DLC1: variants seen among roughly 807,000 people sequenced by gnomAD.
DLC1 encodes the protein rho GTPase-activating protein 7.
In DLC1, 54 loss-of-function variants were observed where a neutral mutation model predicts 140.3. The ratio of observed to expected loss-of-function variants is 0.38; its 90% CI spans 0.31 to 0.48. The LOEUF (loss-of-function observed/expected upper bound fraction) is 0.48. Among genes scored for constraint, DLC1 ranks in the 20% least tolerant of loss-of-function variants. DLC1 has a pLI of 0.96. For synonymous variants in DLC1, 986 were observed against 728.1 expected, an observed-to-expected ratio of 1.35 and a Z score of -5.70; for missense variants, 2,536 against 1,907.0, an observed-to-expected ratio of 1.33 and a Z score of -6.14.
chr8:13,302,414 C>T (rs1832238796), intron 5 of DLC1, among the ~76,000 whole-genome samples: 1 of 152,168 alleles, frequency 6.6e-6, no homozygotes, highest in Non-Finnish European at 1.5e-5. Flanking sequence ...TCAAACTTGC[C>T]TCCCTTTGAA....
chr8:13,336,653 C>G (rs951252392), intron 4 of DLC1, among the ~76,000 whole-genome samples: 1 of 152,276 alleles, frequency 6.6e-6, no homozygotes, highest in Admixed American at 6.5e-5. Flanking sequence ...CTGTCATGTA[C>G]TAGCTACATG....
intron 1 of DLC1, among the ~76,000 whole-genome samples, chr8:13,602,734 C>T (rs749850891): frequency 9.9e-5 from 15 of 151,750 alleles, no homozygotes; most frequent in Non-Finnish European, 1.9e-4. Context: ...TAAAACAAAA[C>T]AAAATAAAAC....
At chr8:13,360,515 C>A (rs986245329) in intron 4 of DLC1, among the ~76,000 whole-genome samples, 3 of 152,002 alleles carry the variant, frequency 2.0e-5, no homozygotes, top group African/African-American at 7.3e-5. Flanking sequence ...AATACTGATG[C>A]CTGGGTTTCT....
chr8:13,189,289 T>C (rs1404642523), intron 5 of DLC1, among the ~76,000 whole-genome samples: 2 of 152,166 alleles, frequency 1.3e-5, no homozygotes, highest in Admixed American at 1.3e-4. Flanking sequence ...TTCTCCTCTT[T>C]GCACCAATAC....
chr8:13,304,344 A>T (rs756862743), intron 5 of DLC1, among the ~76,000 whole-genome samples: 1 of 152,226 alleles, frequency 6.6e-6, no homozygotes, highest in African/African-American at 2.4e-5. Flanking sequence ...TTTCAACATT[A>T]TTAAAGTGAA....
intron 5 of DLC1, among the ~76,000 whole-genome samples, chr8:13,156,946 A>G (rs888465872): frequency 3.9e-5 from 6 of 152,202 alleles, no homozygotes; most frequent in African/African-American, 1.4e-4. Context: ...CCGAGTATGA[A>G]GGTTAGAGTA....
intron 5 of DLC1, among the ~76,000 whole-genome samples, chr8:13,177,628 G>T (rs549311966): frequency 1.3e-5 from 2 of 152,160 alleles, no homozygotes; most frequent in Non-Finnish European, 2.9e-5. Context: ...ATAACATACA[G>T]CAATACTGAG....
chr8:13,578,833 C>T (rs967624768), intron 1 of DLC1, among the ~76,000 whole-genome samples: 1 of 152,056 alleles, frequency 6.6e-6, no homozygotes, highest in South Asian at 2.1e-4. Context: ...AAACCCTGTC[C>T]TTTAGGTTTT....
intron 1 of DLC1, among the ~76,000 whole-genome samples, chr8:13,525,337 T>C (rs117460024): frequency 0.023 from 3,551 of 152,348 alleles, 63 homozygotes; most frequent in Non-Finnish European, 0.034. Flanking sequence ...ATACATTCTT[T>C]AATTTCCTTG....
chr8:13,251,156 C>A (rs181421441), intron 5 of DLC1, among the ~76,000 whole-genome samples: 2 of 152,198 alleles, frequency 1.3e-5, no homozygotes, highest in African/African-American at 4.8e-5. Flanking sequence ...TCTTTCTCTT[C>A]TTGTGAGGAC....
At chr8:13,122,057 C>G (rs773201184) in intron 5 of DLC1, among the ~76,000 whole-genome samples, 2 of 152,154 alleles carry the variant, frequency 1.3e-5, no homozygotes, top group South Asian at 2.1e-4. Context: ...AGCCTCCTCA[C>G]GGAACTCTGA....
At chr8:13,312,386 A>AAAATAATAATAAT (rs71207139) in intron 4 of DLC1, among the ~76,000 whole-genome samples, 16 of 81,676 alleles carry the variant, frequency 2.0e-4, no homozygotes, top group African/African-American at 6.3e-4. Context: ...AAAAAAAAAA[A>AAAATAATAATAAT]AATAATTTCT....
At chr8:13,406,438 A>G (rs1168748991) in intron 2 of DLC1, among the ~76,000 whole-genome samples, 7 of 152,130 alleles carry the variant, frequency 4.6e-5, no homozygotes, top group African/African-American at 1.7e-4. Context: ...ATAAATTTTA[A>G]AAAAGTTTAT....
intron 5 of DLC1, among the ~76,000 whole-genome samples, chr8:13,281,535 C>T (rs567824406): frequency 5.3e-4 from 81 of 152,146 alleles, no homozygotes; most frequent in African/African-American, 1.9e-3. Context: ...ACATAAGTAC[C>T]ATGATTTATA....
At chr8:13,180,051 G>C (rs563987398) in intron 5 of DLC1, among the ~76,000 whole-genome samples, 1 of 152,276 alleles carries the variant, frequency 6.6e-6, no homozygotes, top group African/African-American at 2.4e-5. Flanking sequence ...CCTTGATCTT[G>C]TGGTGGAATC....
chr8:13,550,571 G>T (rs1276804785), intron 1 of DLC1, among the ~76,000 whole-genome samples: 1 of 152,126 alleles, frequency 6.6e-6, no homozygotes, highest in African/African-American at 2.4e-5. Context: ...GAGGCATATG[G>T]TTTTCTGCAG....
intron 5 of DLC1, among the ~76,000 whole-genome samples, chr8:13,192,176 C>G (rs1403785431): frequency 1.3e-5 from 2 of 151,870 alleles, no homozygotes; most frequent in East Asian, 3.9e-4. Flanking sequence ...GTCTCGAACT[C>G]CTGACCTCAG....
intron 4 of DLC1, among the ~76,000 whole-genome samples, chr8:13,345,172 C>G (rs1834270498): frequency 6.6e-6 from 1 of 152,064 alleles, no homozygotes; most frequent in Non-Finnish European, 1.5e-5. Flanking sequence ...GGAAGAAATT[C>G]ATATAGAATT....
At chr8:13,576,492 GA>G (rs1247791288) in intron 1 of DLC1, among the ~76,000 whole-genome samples, 3 of 152,178 alleles carry the variant, frequency 2.0e-5, no homozygotes, top group Non-Finnish European at 4.4e-5. Context: ...TGTAAACATA[GA>G]AATATGTTGC....
Sources: allele counts gnomAD v4.1 joint callset (sites outside exome capture counted in the v4.1 genomes callset), GRCh38; gene constraint gnomAD v4.1.1; transcripts MANE v1.5; gene names NCBI Gene and HGNC (gene_info 2026-07-23, HGNC 2026-07-21).